The following ANKRD12 variants were observed in gnomAD, a reference collection of about 807,000 sequenced individuals.
ANKRD12 encodes the protein ankyrin repeat domain-containing protein 12.
ANKRD12 carries 85 observed loss-of-function variants against 183.4 expected under a neutral mutation model. The observed-to-expected ratio is 0.46, with a 90% CI of 0.39 to 0.56. ANKRD12 has a LOEUF of 0.56. Ranked by LOEUF, ANKRD12 falls within the 20% of genes least tolerant of loss-of-function variation. The probability of loss-of-function intolerance (pLI) is 0.00; values close to 1 mark genes in which losing one functional copy is unlikely to be tolerated. For synonymous variants in ANKRD12, 914 were observed against 800.2 expected, an observed-to-expected ratio of 1.14 and a Z score of -2.40; for missense variants, 2,405 against 2,357.1, an observed-to-expected ratio of 1.02 and a Z score of -0.42.
intron 1 of ANKRD12, among the ~76,000 whole-genome samples, chr18:9,161,737 G>T (rs1555709848): frequency 2.7e-5 from 4 of 146,776 alleles, no homozygotes; most frequent in South Asian, 4.2e-4. Context: ...GTGATATGTT[G>T]ATGTGTGTGT....
chr18:9,223,269 T>A (rs1340834702), intron 8 of ANKRD12, among the ~76,000 whole-genome samples: 9 of 151,606 alleles, frequency 5.9e-5, no homozygotes, highest in Admixed American at 1.3e-4. Flanking sequence ...CTTTTTTTTT[T>A]TTGAGGTGGA....
chr18:9,239,655 T>G, intron 8 of ANKRD12: 1 of 417,774 alleles, frequency 2.4e-6, no homozygotes, highest in Non-Finnish European at 4.2e-6. Flanking sequence ...TAGATTTAAC[T>G]GTACCAAACT....
intron 8 of ANKRD12, among the ~76,000 whole-genome samples, chr18:9,239,213 C>T (rs1390558030): frequency 2.0e-5 from 3 of 152,130 alleles, no homozygotes; most frequent in Non-Finnish European, 4.4e-5. Context: ...TATTTGGCTG[C>T]CCTCTGGATA....
rs140391963 is a variant in ANKRD12 at position 9,247,266 on chromosome 18, G to A, written c.944-6945G>A. On this transcript the variant is annotated intron_variant, in intron 8 of 12. Transcript: ENST00000262126. ...GGCAGAGGCAGGAGGATCGCTTGAG[G>A]CCTCGAGTTTGAGACTAACCTGGGC... 6.3e-3 allele frequency among the ~76,000 whole-genome samples: 956 copies of A among 150,904 alleles called. 7 individuals carry two copies. The highest frequency in any genetic ancestry group is 0.017 in the Middle Eastern group (5 of 292).
chr18:9,252,220 G>T (rs1209577873), intron 8 of ANKRD12, among the ~76,000 whole-genome samples: 1 of 152,176 alleles, frequency 6.6e-6, no homozygotes, highest in African/African-American at 2.4e-5. Context: ...GTTCTTGAGT[G>T]ATTAAATTTA....
chr18:9,143,696 G>A (rs1015535419), intron 1 of ANKRD12, among the ~76,000 whole-genome samples: 1 of 152,088 alleles, frequency 6.6e-6, no homozygotes, highest in Admixed American at 6.5e-5. Context: ...TCCTGACCTC[G>A]TGATCCACCC....
At chr18:9,181,547 A>G (rs569714479) in intron 1 of ANKRD12, among the ~76,000 whole-genome samples, 2 of 152,346 alleles carry the variant, frequency 1.3e-5, no homozygotes, top group South Asian at 2.1e-4. Context: ...AGTGCTGTGC[A>G]GTAGACCTTT....
chr18:9,273,334 G>A (rs886735160), intron 10 of ANKRD12, among the ~76,000 whole-genome samples: 2 of 152,070 alleles, frequency 1.3e-5, no homozygotes, highest in Admixed American at 1.3e-4. Context: ...CTTAATACAG[G>A]ATTTTATTGT....
chr18:9,213,094 GGGTTCTT>G (rs1473147430), intron 6 of ANKRD12, among the ~76,000 whole-genome samples: 1 of 151,694 alleles, frequency 6.6e-6, no homozygotes, highest in Admixed American at 6.6e-5. Context: ...TGAGCTTTAT[GGGTTCTT>G]GGTTTGGTAT....
chr18:9,174,406 C>T (rs2033058422), intron 1 of ANKRD12, among the ~76,000 whole-genome samples: 2 of 152,176 alleles, frequency 1.3e-5, no homozygotes, highest in South Asian at 4.1e-4. Flanking sequence ...GTCTGTAAAA[C>T]TCCTGGGTTT....
intron 8 of ANKRD12, among the ~76,000 whole-genome samples, chr18:9,244,838 CTTTA>C (rs908152873): frequency 7.9e-5 from 12 of 152,156 alleles, no homozygotes; most frequent in South Asian, 4.1e-4. Context: ...TCAAAGTTCT[CTTTA>C]TTATTTCCAA....
chr18:9,255,324 AGAG>A lies in ANKRD12; in HGVS notation c.2061_2063del (p.Arg687del), dbSNP rs770204997. 8.5e-5 allele frequency: 136 copies of A among 1,604,752 alleles called. No individual in the cohort carries two copies. The highest frequency in any genetic ancestry group is 1.1e-4 in the Non-Finnish European group (131 of 1,177,590). ...ACTAAGGATAGTGCCAAAGAACTGC[AGAG>A]GAGTGTGGAATTTGATAGAGAATTT... On this transcript the variant is annotated inframe_deletion, in exon 9 of 13. Transcript: ENST00000262126.
At chr18:9,235,894 C>A in intron 8 of ANKRD12, 1 of 264,166 alleles carries the variant, frequency 3.8e-6, no homozygotes, top group South Asian at 4.0e-5. Context: ...CTGGGAAAAT[C>A]TTATAGAAAA....
intron 11 of ANKRD12, among the ~76,000 whole-genome samples, chr18:9,276,870 T>G (rs995600639): frequency 2.6e-5 from 4 of 152,208 alleles, no homozygotes; most frequent in Non-Finnish European, 5.9e-5. Flanking sequence ...TGAGGGACTT[T>G]CTAGAACTTT....
intron 2 of ANKRD12, among the ~76,000 whole-genome samples, chr18:9,193,759 A>G (rs574293008): frequency 6.6e-6 from 1 of 152,294 alleles, no homozygotes; most frequent in South Asian, 2.1e-4. Flanking sequence ...AGTTTCTACA[A>G]TCATGATAAA....
At chr18:9,147,128 G>A (rs2078518584) in intron 1 of ANKRD12, among the ~76,000 whole-genome samples, 1 of 152,070 alleles carries the variant, frequency 6.6e-6, no homozygotes, top group Non-Finnish European at 1.5e-5. Context: ...TAGGATCTCA[G>A]GCTTATATTG....
At chr18:9,279,680 TC>T (rs761172143) in intron 12 of ANKRD12, 36 bp downstream of exon 12, 10 of 1,193,232 alleles carry the variant, frequency 8.4e-6, no homozygotes, top group South Asian at 2.8e-5. Context: ...AATGAATGCT[TC>T]CCCCTTCTTA....
chr18:9,186,450 T>C (rs565121555), intron 2 of ANKRD12, among the ~76,000 whole-genome samples: 2 of 152,168 alleles, frequency 1.3e-5, no homozygotes, highest in Non-Finnish European at 2.9e-5. Context: ...ATCAGTAGTT[T>C]GGGTAAGGAT....
At chr18:9,168,247 G>A (rs989859964) in intron 1 of ANKRD12, among the ~76,000 whole-genome samples, 1 of 152,158 alleles carries the variant, frequency 6.6e-6, no homozygotes, top group Non-Finnish European at 1.5e-5. Context: ...ATGAGTTAGG[G>A]AGGATTCCCT....
Sources: allele counts gnomAD v4.1 joint callset (sites outside exome capture counted in the v4.1 genomes callset), GRCh38; gene constraint gnomAD v4.1.1; transcripts MANE v1.5; gene names NCBI Gene and HGNC (gene_info 2026-07-23, HGNC 2026-07-21).